Variants in ADGRG2 observed in about 807,000 individuals in gnomAD.
ADGRG2 encodes adhesion G protein-coupled receptor G2.
Under a neutral mutation model 74.1 loss-of-function variants are expected in ADGRG2, and 26 were observed. The observed-to-expected ratio is 0.35, with a 90% confidence interval of 0.26 to 0.49. The LOEUF (loss-of-function observed/expected upper bound fraction) is 0.49. Among genes scored for constraint, ADGRG2 ranks in the 20% least tolerant of loss-of-function variants. ADGRG2 has a pLI of 0.99. For synonymous variants in ADGRG2, 296 were observed against 295.2 expected (o/e 1.00, Z -0.03); for missense variants, 619 against 763.1 (o/e 0.81, Z 2.22).
intron 15 of ADGRG2, among the ~76,000 whole-genome samples, chrX:19,018,017 T>G (rs2060504239): frequency 8.9e-6 from 1 of 112,362 alleles, no homozygotes; most frequent in Admixed American, 9.4e-5. Context: ...TTTTGCTGTT[T>G]TGGAGCACCC....
At chrX:19,050,690 C>T (rs995396085) in intron 3 of ADGRG2, among the ~76,000 whole-genome samples, 1 of 111,492 alleles carries the variant, frequency 9.0e-6, no homozygotes, top group African/African-American at 3.3e-5. Context: ...GAGTTTGAGA[C>T]CAGCCTGGGC....
At chrX:19,078,231 T>C (rs752333387) in intron 2 of ADGRG2, among the ~76,000 whole-genome samples, 6 of 112,027 alleles carry the variant, frequency 5.4e-5, no homozygotes, top group Non-Finnish European at 1.1e-4. Context: ...AAATAACCCA[T>C]GGGTCAAAGA....
chrX:19,070,012 C>G (rs2061628688), intron 2 of ADGRG2, among the ~76,000 whole-genome samples: 1 of 111,357 alleles, frequency 9.0e-6, no homozygotes, highest in South Asian at 3.8e-4. Context: ...CGCGGGCAAC[C>G]TGTAGACGCT....
intron 3 of ADGRG2, among the ~76,000 whole-genome samples, chrX:19,064,216 G>A (rs1316590610): frequency 8.9e-6 from 1 of 112,158 alleles, no homozygotes; most frequent in African/African-American, 3.2e-5. Flanking sequence ...GTGGGCCAAG[G>A]GGGTATAGGC....
chrX:18,999,141 G>A lies in ADGRG2; in HGVS notation c.2469C>T (p.Ala823=). The part of the protein sequence containing the change: ...CRIKKKKQLG[A]QRKTSIQDLR... ...GGTCTTGAATACTGGTTTTTCGCTGGGCTCCCAGTTGCTTCTTCTTTTTAA... is the reference window on the plus strand; with the variant it reads ...GGTCTTGAATACTGGTTTTTCGCTGAGCTCCCAGTTGCTTCTTCTTTTTAA... Residue 823 remains alanine, a synonymous_variant, in exon 26 of 29, where the codon GCC becomes GCT. Coordinates refer to ENST00000379869, the MANE Select transcript of ADGRG2 (RefSeq NM_001079858.3). The A allele has an allele frequency of 8.3e-7, 1 of 1,210,934 alleles. No individual in the cohort carries two copies. Among genetic ancestry groups the A allele is most frequent in the Non-Finnish European group, 1.1e-6 (1 of 894,983 alleles).
At chrX:19,031,222 C>T (rs1412277842) in intron 8 of ADGRG2, 185 bp from the exon 9 acceptor site, 1 of 431,393 alleles carries the variant, frequency 2.3e-6, no homozygotes, top group South Asian at 3.5e-5. Context: ...GGTCATTTGT[C>T]AGCTACGGAA....
intron 1 of ADGRG2, among the ~76,000 whole-genome samples, chrX:19,102,662 G>A (rs962978864): frequency 9.0e-6 from 1 of 110,715 alleles, no homozygotes; most frequent in Non-Finnish European, 1.9e-5. Flanking sequence ...TTATTGCTGT[G>A]GACTTGTGTG....
intron 3 of ADGRG2, among the ~76,000 whole-genome samples, chrX:19,064,875 G>A (rs2061541452): frequency 9.0e-6 from 1 of 111,518 alleles, no homozygotes; most frequent in Admixed American, 9.6e-5. Context: ...GCTGATAATA[G>A]TGCCTTTTTC....
Position 19,049,282 on chromosome X carries a change from T to C in ADGRG2, c.119-9058A>G, listed in dbSNP as rs149395726. On this transcript the variant is annotated intron_variant, in intron 3 of 28. Coordinates refer to ENST00000379869, the MANE Select transcript of ADGRG2 (RefSeq NM_001079858.3). The stretch of plus-strand genomic sequence containing the variant: ...CTGCCTGATCCTTTTCATCTCTTTA[T>C]GCACAGGCTCGTTGCCATCTGGCGA... Among the ~76,000 whole-genome samples the C allele has an allele frequency of 7.6e-3, 845 of 111,837 alleles. 8 individuals are homozygous for C. Among genetic ancestry groups the C allele is most frequent in the African/African-American group, 0.026 (804 of 30,739 alleles).
chrX:19,067,679 C>G (rs2061589770), intron 3 of ADGRG2, among the ~76,000 whole-genome samples: 1 of 111,641 alleles, frequency 9.0e-6, no homozygotes, highest in Non-Finnish European at 1.9e-5. Context: ...TGAAATGATA[C>G]TATTAAGAAA....
intron 1 of ADGRG2, among the ~76,000 whole-genome samples, chrX:19,090,533 T>C (rs986118802): frequency 4.5e-5 from 5 of 112,096 alleles, no homozygotes; most frequent in African/African-American, 1.6e-4. Flanking sequence ...AATTTCCATT[T>C]GTTTACTATA....
intron 1 of ADGRG2, among the ~76,000 whole-genome samples, chrX:19,084,031 A>C (rs1161755320): frequency 1.8e-5 from 2 of 112,186 alleles, no homozygotes; most frequent in Non-Finnish European, 3.8e-5. Flanking sequence ...TATTCACAAT[A>C]GCAAAGACAT....
Position 19,037,645 on chromosome X carries a change from G to GAA in ADGRG2, c.155-11_155-10dup. On this transcript the variant is annotated splice_polypyrimidine_tract_variant and intron_variant, in intron 4 of 28. Coordinates refer to ENST00000379869, the MANE Select transcript of ADGRG2 (RefSeq NM_001079858.3). Reference sequence around the variant, plus strand: ...GACAACAGATAATTTAGCTGCAGGAGAAAAAAAAATTAAATCAATATTTTG... The same window carrying GAA: ...GACAACAGATAATTTAGCTGCAGGAGAAAAAAAAAAATTAAATCAATATTTTG... 3 of 1,060,045 alleles carry GAA rather than the reference G, an allele frequency of 2.8e-6. No homozygotes were observed. The highest frequency in any genetic ancestry group is 2.5e-6 in the Non-Finnish European group (2 of 791,333). The allele number at this position is 1,060,045 out of a possible 1,213,427, so 87.4% of individuals were successfully genotyped here. A position where few individuals can be genotyped will look rare whatever the true frequency, so the allele number is the denominator to read the frequency against.
intron 3 of ADGRG2, among the ~76,000 whole-genome samples, chrX:19,046,433 T>C (rs1459803241): frequency 6.2e-5 from 7 of 112,330 alleles, no homozygotes; most frequent in Non-Finnish European, 1.1e-4. Flanking sequence ...CTGTGTGCCT[T>C]GTTTACCCAA....
At chrX:19,051,716 G>T (rs1405098581) in intron 3 of ADGRG2, among the ~76,000 whole-genome samples, 1 of 111,401 alleles carries the variant, frequency 9.0e-6, no homozygotes, top group East Asian at 2.8e-4. Flanking sequence ...CTCAGGCCAT[G>T]TAGAGAGGCC....
At chrX:19,058,556 A>G (rs1262790235) in intron 3 of ADGRG2, among the ~76,000 whole-genome samples, 1 of 112,111 alleles carries the variant, frequency 8.9e-6, no homozygotes, top group Non-Finnish European at 1.9e-5. Flanking sequence ...AATTACTGCC[A>G]TTTTATATCT....
chrX:19,115,899 C>T (rs1056429063), intron 1 of ADGRG2, among the ~76,000 whole-genome samples: 9 of 110,151 alleles, frequency 8.2e-5, no homozygotes, highest in Non-Finnish European at 1.5e-4. Context: ...GACTGAGACC[C>T]CATCTCGTCT....
Position 18,999,878 on chromosome X carries a change from A to G in ADGRG2, c.2313T>C (p.Asn771=). The change falls in exon 25 of 29, where the codon AAT becomes AAC. Residue 771 remains asparagine, a synonymous_variant. Transcript: ENST00000379869. The part of the protein sequence containing the change: ...YGLGSYGKFP[N]GSPDDFCWIN... ...GTACTCACAAGTCATCCGGTGAACC[A>G]TTGGGGAATTTCCCATAGGATCCAA... 1 of 1,179,013 alleles carries G rather than the reference A, an allele frequency of 8.5e-7. No homozygotes were observed.
intron 28 of ADGRG2, among the ~76,000 whole-genome samples, chrX:18,993,613 C>T (rs765368275): frequency 1.9e-5 from 2 of 104,219 alleles, no homozygotes; most frequent in Non-Finnish European, 3.9e-5. Context: ...CCTGGGAGGT[C>T]GAGGCTGCAG....
Sources: allele counts gnomAD v4.1 joint callset (sites outside exome capture counted in the v4.1 genomes callset), GRCh38; gene constraint gnomAD v4.1.1; transcripts MANE v1.5; gene names NCBI Gene and HGNC (gene_info 2026-07-23, HGNC 2026-07-21).